The following SLC38A11 variants were observed in gnomAD, a reference collection of about 807,000 sequenced individuals.
SLC38A11 encodes the protein putative sodium-coupled neutral amino acid transporter 11.
SLC38A11 carries 51 observed loss-of-function variants against 49.4 expected under a neutral mutation model. The ratio of observed to expected loss-of-function variants is 1.03; its 90% CI spans 0.83 to 1.30. SLC38A11 has a LOEUF of 1.30. SLC38A11 is among the 50% of genes most tolerant of loss of function. The pLI is 0.00. For missense variants in SLC38A11, 574 were observed against 556.2 expected, an observed-to-expected ratio of 1.03 and a Z score of -0.32; for synonymous variants, 203 against 192.9, an observed-to-expected ratio of 1.05 and a Z score of -0.43.
At position 164,945,737 on chromosome 2, in the gene SLC38A11, GA is replaced by G; in HGVS notation, c.230-11del. The G allele has an allele frequency of 6.3e-7, 1 of 1,599,236 alleles. No homozygotes were observed. Among genetic ancestry groups the G allele is most frequent in the African/African-American group, 1.4e-5 (1 of 74,000 alleles). On this transcript the variant is annotated splice_polypyrimidine_tract_variant and intron_variant, in intron 3 of 11. Coordinates refer to ENST00000685975, the MANE Select transcript of SLC38A11 (RefSeq NM_001351537.2). ...AAAACAAGGGAAAAGTCTGTGGCAA[GA>G]ACATCAATTAAATGTCAGATTACAT... is the stretch of plus-strand genomic sequence containing the variant.
intron 10 of SLC38A11, among the ~76,000 whole-genome samples, chr2:164,909,335 G>T (rs1363568135): frequency 6.6e-6 from 1 of 151,970 alleles, no homozygotes; most frequent in Non-Finnish European, 1.5e-5. Flanking sequence ...GATCAGGAAA[G>T]CAATAAAAAA....
intron 7 of SLC38A11, among the ~76,000 whole-genome samples, chr2:164,921,921 A>G (rs898458623): frequency 6.6e-5 from 10 of 152,158 alleles, no homozygotes; most frequent in African/African-American, 2.4e-4. Flanking sequence ...ATGCTTCATT[A>G]TATATTTTTA....
chr2:164,919,059 G>A (rs1211569046), intron 7 of SLC38A11, among the ~76,000 whole-genome samples: 1 of 152,078 alleles, frequency 6.6e-6, no homozygotes, highest in African/African-American at 2.4e-5. Flanking sequence ...TATTGAGGCT[G>A]GGCATGATGG....
chr2:164,908,624 C>T lies in SLC38A11; in HGVS notation c.1095+16G>A. On this transcript the variant is annotated intron_variant, in intron 11 of 11. Transcript: ENST00000685975. ...AGAATTTTAGAGTGAAGGGGTAAAT[C>T]TTTGCACGTACTCACATTGAGTTCT... 6.7e-7 allele frequency: 1 copy of T among 1,501,180 alleles called. No homozygotes were observed. The highest frequency in any genetic ancestry group is 1.4e-5 in the African/African-American group (1 of 71,352). The allele number at this position is 1,501,180 out of a possible 1,614,324, so 93.0% of individuals were successfully genotyped here.
Position 164,939,551 on chromosome 2 carries a change from G to C in SLC38A11, c.436C>G (p.Pro146Ala). ...KVFQRIPGVD[P>A]ENVFIGRHFI... ...TGGCGACCAATAAACACGTTTTCAGGATCAACTAAAACACAATAAATATTA... is the reference window on the plus strand; with the variant it reads ...TGGCGACCAATAAACACGTTTTCAGCATCAACTAAAACACAATAAATATTA... Residue 146 changes from proline to alanine, a missense_variant, in exon 6 of 12, where the codon CCT becomes GCT. Pro to Ala is a conservative substitution (Grantham distance 27). Transcript: ENST00000685975. 1 of 1,601,318 alleles carries C rather than the reference G, an allele frequency of 6.2e-7. No homozygotes were observed. Among genetic ancestry groups the C allele is most frequent in the Non-Finnish European group, 8.5e-7 (1 of 1,170,084 alleles).
intron 10 of SLC38A11, 104 bp from the exon 11 acceptor site, chr2:164,908,875 A>C (rs1446077349): frequency 7.9e-7 from 1 of 1,265,594 alleles, no homozygotes; most frequent in Non-Finnish European, 1.1e-6. Flanking sequence ...AATACTACCA[A>C]CAAGGCTATT....
intron 10 of SLC38A11, among the ~76,000 whole-genome samples, chr2:164,911,260 TA>T (rs1685379192): frequency 6.6e-6 from 1 of 152,104 alleles, no homozygotes; most frequent in Admixed American, 6.6e-5. Context: ...GACAGTTTTG[TA>T]AAACATGTTT....
intron 10 of SLC38A11, 44 bp from the exon 11 acceptor site, chr2:164,908,815 T>A: frequency 6.4e-7 from 1 of 1,570,480 alleles, no homozygotes. Flanking sequence ...TTTAAAGGCA[T>A]GCAGGATTTA....
intron 3 of SLC38A11, 125 bp downstream of exon 3, chr2:164,952,582 G>A: frequency 1.4e-6 from 1 of 724,210 alleles, no homozygotes; most frequent in East Asian, 2.6e-5. Flanking sequence ...AATTCTTTAG[G>A]ATTCTTTGAT....
intron 6 of SLC38A11, among the ~76,000 whole-genome samples, chr2:164,939,227 T>C (rs970390171): frequency 3.9e-5 from 6 of 152,036 alleles, no homozygotes; most frequent in Non-Finnish European, 7.4e-5. Flanking sequence ...TGTATCTACC[T>C]TAAAAAAGAA....
At chr2:164,898,915 C>A (rs1398786130) in intron 11 of SLC38A11, among the ~76,000 whole-genome samples, 185 bp from the exon 12 acceptor site, 1 of 152,086 alleles carries the variant, frequency 6.6e-6, no homozygotes, top group Non-Finnish European at 1.5e-5. Flanking sequence ...TTACCTTTTC[C>A]ACTGGCATAT....
intron 11 of SLC38A11, among the ~76,000 whole-genome samples, chr2:164,900,941 A>G (rs1237025678): frequency 1.3e-5 from 2 of 152,112 alleles, no homozygotes; most frequent in East Asian, 3.8e-4. Context: ...TTTGGGCCTT[A>G]CATTTAGGTA....
At chr2:164,934,357 G>T (rs7608863) in intron 7 of SLC38A11, among the ~76,000 whole-genome samples, 10,486 of 152,120 alleles carry the variant, frequency 0.069, 398 homozygotes, top group Admixed American at 0.1. Flanking sequence ...GAAACAATGT[G>T]TCAGTTAAAA....
rs563883495 is a variant in SLC38A11, at chr2:164,897,006, A to G, written c.*1431T>C. ...AATTAATATAGTGCCACAGATGGACAACCTGATTGGAATACAAATGAAATG... is the reference window on the plus strand; with the variant it reads ...AATTAATATAGTGCCACAGATGGACGACCTGATTGGAATACAAATGAAATG... On this transcript the variant is annotated 3_prime_UTR_variant, in exon 12 of 12. Coordinates refer to ENST00000685975, the MANE Select transcript of SLC38A11 (RefSeq NM_001351537.2). 9 of 152,252 alleles carry G rather than the reference A, an allele frequency of 5.9e-5. No homozygotes were observed. The South Asian group carries it at 1.9e-3, about 32-fold the overall frequency. 9.4% of individuals were successfully genotyped at this position (152,252 alleles called of 1,614,324 possible). A position where few individuals can be genotyped will look rare whatever the true frequency, so the allele number is the denominator to read the frequency against.
intron 7 of SLC38A11, among the ~76,000 whole-genome samples, chr2:164,920,344 T>G (rs1686105096): frequency 6.6e-6 from 1 of 151,926 alleles, no homozygotes; most frequent in Non-Finnish European, 1.5e-5. Flanking sequence ...AAATATATTT[T>G]AAATAAAATG....
intron 7 of SLC38A11, among the ~76,000 whole-genome samples, chr2:164,928,788 A>C (rs538422317): frequency 5.9e-5 from 9 of 152,254 alleles, no homozygotes; most frequent in Admixed American, 3.9e-4. Flanking sequence ...ATAGGTTATC[A>C]GGCATGAATA....
intron 11 of SLC38A11, among the ~76,000 whole-genome samples, chr2:164,899,250 C>A (rs1684500871): frequency 6.6e-6 from 1 of 152,004 alleles, no homozygotes; most frequent in African/African-American, 2.4e-5. Context: ...AAAACTATAA[C>A]CCTAAGGCAG....
chr2:164,909,496 T>C (rs902624911), intron 10 of SLC38A11, among the ~76,000 whole-genome samples: 3 of 150,714 alleles, frequency 2.0e-5, no homozygotes, highest in Admixed American at 1.3e-4. Flanking sequence ...ACAAAAAAGA[T>C]CAAGGAGAAT....
intron 8 of SLC38A11, chr2:164,915,550 T>G: frequency 4.7e-6 from 2 of 429,188 alleles, no homozygotes; most frequent in Non-Finnish European, 8.2e-6. Flanking sequence ...CCTTCCCATC[T>G]GAAGGAAATC....
Sources: gnomAD v4.1 joint callset for allele counts (sites outside exome capture counted in the v4.1 genomes callset) on GRCh38, gnomAD v4.1.1 for gene constraint, MANE v1.5 for transcripts, NCBI Gene and HGNC (gene_info 2026-07-23, HGNC 2026-07-21) for gene names.